Variants in DLGAP1 observed in about 807,000 individuals in gnomAD.
DLGAP1 encodes DLG associated protein 1.
A neutral mutation model predicts 90.8 loss-of-function variants in DLGAP1; 11 were observed. The ratio of observed to expected loss-of-function variants is 0.12; its 90% CI spans 0.08 to 0.20. The LOEUF (loss-of-function observed/expected upper bound fraction) is 0.20. DLGAP1 is among the 10% of genes least tolerant of loss of function. The pLI is 1.00. For missense variants in DLGAP1, 1,050 were observed against 1,333.8 expected (o/e 0.79, Z 3.31); for synonymous variants, 558 against 540.7 (o/e 1.03, Z -0.44).
intron 3 of DLGAP1, among the ~76,000 whole-genome samples, chr18:3,932,576 T>C (rs945861941): frequency 2.0e-5 from 3 of 151,870 alleles, no homozygotes; most frequent in African/African-American, 7.3e-5. Flanking sequence ...TGGCTGACAA[T>C]GGGGAGAAAG....
At chr18:3,693,308 G>C (rs1251117452) in intron 7 of DLGAP1, among the ~76,000 whole-genome samples, 3 of 151,066 alleles carry the variant, frequency 2.0e-5, no homozygotes. Context: ...GGCTGGTCTT[G>C]AACTCTTGGG....
At chr18:3,614,854 A>AG (rs1216332795) in intron 7 of DLGAP1, among the ~76,000 whole-genome samples, 1 of 148,126 alleles carries the variant, frequency 6.8e-6, no homozygotes, top group African/African-American at 2.5e-5. Flanking sequence ...TGTCTCAAGA[A>AG]AAAAAAAAAA....
chr18:3,740,100 T>A (rs970934893), intron 6 of DLGAP1, among the ~76,000 whole-genome samples: 1 of 152,202 alleles, frequency 6.6e-6, no homozygotes, highest in African/African-American at 2.4e-5. Flanking sequence ...CATAAAGTTA[T>A]GAAAACCATG....
At chr18:4,094,836 G>A (rs931485192) in intron 2 of DLGAP1, among the ~76,000 whole-genome samples, 2 of 152,108 alleles carry the variant, frequency 1.3e-5, no homozygotes, top group Admixed American at 1.3e-4. Context: ...GACCTCAGGT[G>A]ATCCACCCAC....
At position 3,876,025 on chromosome 18, in the gene DLGAP1, GAA is replaced by G. The variant is rs35857812; in HGVS notation, c.957+3085_957+3086del. On this transcript the variant is annotated intron_variant, in intron 4 of 12. Coordinates refer to ENST00000315677, the MANE Select transcript of DLGAP1 (RefSeq NM_004746.4). ...AGTTGGCAATTAAGGCAATAGAGCT[GAA>G]AAAAAAAAAAAAAGAACTCCAAAGA... 8.0e-3 allele frequency among the ~76,000 whole-genome samples: 1,083 copies of G among 134,824 alleles called. 7 individuals are homozygous for G. Among genetic ancestry groups the G allele is most frequent in the African/African-American group, 0.021 (797 of 37,576 alleles). The allele number at this position is 134,824 out of a possible 152,430, so 88.4% of individuals were successfully genotyped here.
At chr18:4,081,626 T>C (rs1432125981) in intron 2 of DLGAP1, among the ~76,000 whole-genome samples, 1 of 152,198 alleles carries the variant, frequency 6.6e-6, no homozygotes, top group Non-Finnish European at 1.5e-5. Context: ...AGCCAACAAT[T>C]ACCTTGATCC....
intron 2 of DLGAP1, among the ~76,000 whole-genome samples, chr18:4,071,785 T>C (rs2075450852): frequency 6.6e-6 from 1 of 152,192 alleles, no homozygotes. Context: ...CCTTCTTACT[T>C]GCAGCCTGTC....
intron 1 of DLGAP1, among the ~76,000 whole-genome samples, chr18:4,386,166 G>A (rs596535): frequency 0.93 from 141,081 of 152,210 alleles, 66,357 homozygotes; most frequent in East Asian, 1. Flanking sequence ...TTATGTCCCC[G>A]TTCTAATATA....
At chr18:3,874,386 C>T (rs1366273622) in intron 4 of DLGAP1, 1 of 1,463,860 alleles carries the variant, frequency 6.8e-7, no homozygotes, top group Non-Finnish European at 9.0e-7. Context: ...GCAAAATACA[C>T]TGTTTGAAGG....
intron 1 of DLGAP1, among the ~76,000 whole-genome samples, chr18:4,405,427 A>G (rs1391736138): frequency 6.6e-6 from 1 of 151,190 alleles, no homozygotes; most frequent in Non-Finnish European, 1.5e-5. Context: ...AGGAAGGGAG[A>G]AAAAAAAACA....
Position 3,659,445 on chromosome 18 carries a change from A to AC in DLGAP1, c.1591+69689dup, listed in dbSNP as rs61527537. Among the ~76,000 whole-genome samples, 468 of 105,304 alleles carry AC rather than the reference A, an allele frequency of 4.4e-3. 18 individuals carry two copies. The highest frequency in any genetic ancestry group is 0.02 in the African/African-American group (446 of 22,598). The allele number at this position is 105,304 out of a possible 152,430, so 69.1% of individuals were successfully genotyped here. A position where few individuals can be genotyped will look rare whatever the true frequency, so the allele number is the denominator to read the frequency against. Reference sequence around the variant, plus strand: ...CACACACACACACACGGATGCTACCACCCCCCGCCGCCCCCACCCCCGGTT... The same window carrying AC: ...CACACACACACACACGGATGCTACCACCCCCCCGCCGCCCCCACCCCCGGTT... On this transcript the variant is annotated intron_variant, in intron 7 of 12. Coordinates refer to ENST00000315677, the MANE Select transcript of DLGAP1 (RefSeq NM_004746.4).
intron 10 of DLGAP1, among the ~76,000 whole-genome samples, chr18:3,508,982 CT>C (rs796452465): frequency 4.2e-3 from 596 of 143,418 alleles, no homozygotes; most frequent in African/African-American, 5.0e-3. Flanking sequence ...ACAGTTGTTG[CT>C]TTTTTTTTTT....
intron 3 of DLGAP1, among the ~76,000 whole-genome samples, chr18:3,990,974 G>C (rs1215079873): frequency 1.3e-5 from 2 of 151,810 alleles, no homozygotes; most frequent in Non-Finnish European, 1.5e-5. Flanking sequence ...AGATTTAATG[G>C]AGTTATTAGT....
At chr18:3,956,725 A>G (rs748456010) in intron 3 of DLGAP1, among the ~76,000 whole-genome samples, 28 of 152,292 alleles carry the variant, frequency 1.8e-4, no homozygotes, top group Non-Finnish European at 3.1e-4. Context: ...ATCTCAGCTC[A>G]CTGCCACCTC....
chr18:4,142,496 G>T (rs967690292), intron 2 of DLGAP1, among the ~76,000 whole-genome samples: 1 of 152,132 alleles, frequency 6.6e-6, no homozygotes, highest in African/African-American at 2.4e-5. Context: ...TCTGAGACAT[G>T]AAAAATAAAC....
At chr18:4,276,250 G>A (rs549884980) in intron 1 of DLGAP1, among the ~76,000 whole-genome samples, 1 of 151,590 alleles carries the variant, frequency 6.6e-6, no homozygotes, top group Non-Finnish European at 1.5e-5. Flanking sequence ...TTGATGAGCT[G>A]ACTTTGACTT....
chr18:4,305,069 T>TG (rs2080216272), intron 1 of DLGAP1, among the ~76,000 whole-genome samples: 1 of 152,170 alleles, frequency 6.6e-6, no homozygotes, highest in African/African-American at 2.4e-5. Flanking sequence ...ATGGAATAAA[T>TG]TAAAACAATA....
intron 7 of DLGAP1, among the ~76,000 whole-genome samples, chr18:3,661,447 G>C (rs920894865): frequency 2.0e-5 from 3 of 152,154 alleles, no homozygotes; most frequent in African/African-American, 7.2e-5. Context: ...ACTCCCTCCG[G>C]GAAGCCTGAG....
At chr18:4,255,070 G>A (rs1248827754) in intron 1 of DLGAP1, among the ~76,000 whole-genome samples, 1 of 152,150 alleles carries the variant, frequency 6.6e-6, no homozygotes, top group African/African-American at 2.4e-5. Context: ...CCGAGTGCTG[G>A]GGCACAGCAG....
Sources: allele counts gnomAD v4.1 joint callset (sites outside exome capture counted in the v4.1 genomes callset), GRCh38; gene constraint gnomAD v4.1.1; transcripts MANE v1.5; gene names NCBI Gene and HGNC (gene_info 2026-07-23, HGNC 2026-07-21).